CNTN6: variants seen among roughly 807,000 people sequenced by gnomAD.
CNTN6 encodes the protein contactin-6.
Under a neutral mutation model 122.8 loss-of-function variants are expected in CNTN6, and 137 were observed. The ratio of observed to expected loss-of-function variants is 1.12; its 90% confidence interval spans 0.97 to 1.29. The LOEUF is 1.29. CNTN6 is among the 50% of genes most tolerant of loss of function. The pLI, the probability that CNTN6 is intolerant of heterozygous loss-of-function variation, is 0.00. For missense variants in CNTN6, 1,634 were observed against 1,223.4 expected, an observed-to-expected ratio of 1.34 and a Z score of -5.01; for synonymous variants, 570 against 426.0, an observed-to-expected ratio of 1.34 and a Z score of -4.16.
chr3:1,192,641 G>A (rs2093718629), intron 2 of CNTN6, among the ~76,000 whole-genome samples: 1 of 151,978 alleles, frequency 6.6e-6, no homozygotes, highest in African/African-American at 2.4e-5. Flanking sequence ...TGTCACAGAT[G>A]CACACCTGCT....
rs976375250 is a variant in CNTN6 at position 1,329,991 on chromosome 3, AT to A, written c.1364+61del. The A allele has an allele frequency of 2.4e-5, 33 of 1,377,948 alleles. No individual in the cohort carries two copies. The South Asian group carries it at 5.2e-4, about 22-fold the overall frequency. The allele number at this position is 1,377,948 out of a possible 1,614,324, so 85.4% of individuals were successfully genotyped here. On this transcript the variant is annotated intron_variant, in intron 11 of 22. Coordinates refer to ENST00000446702, the MANE Select transcript of CNTN6 (RefSeq NM_001289080.2). ...TTGTTTGTAATATAACATCTTCCAA[AT>A]TTTTAGGTTTTAGTAGGCCTTTCAA...
chr3:1,268,074 A>G (rs1010541709), intron 4 of CNTN6, among the ~76,000 whole-genome samples: 1 of 152,230 alleles, frequency 6.6e-6, no homozygotes, highest in African/African-American at 2.4e-5. Context: ...GAGATTATTG[A>G]CTACAAAGGT....
rs1326642047 is a variant in CNTN6, at chr3:1,234,609, G to A, written c.358+6616G>A. 7.9e-5 allele frequency among the ~76,000 whole-genome samples: 12 copies of A among 152,252 alleles called. No homozygotes were observed. The East Asian group carries it at 1.7e-3, about 22-fold the overall frequency. On this transcript the variant is annotated intron_variant, in intron 4 of 22. Coordinates refer to ENST00000446702, the MANE Select transcript of CNTN6 (RefSeq NM_001289080.2). ...TGCTTTTGGAAATTGTAAAGTCTCC[G>A]ATAATTGCGAAGTGCGTATTAAGTG...
intron 12 of CNTN6, among the ~76,000 whole-genome samples, chr3:1,370,907 A>T (rs1395935108): frequency 6.6e-6 from 1 of 152,096 alleles, no homozygotes; most frequent in Non-Finnish European, 1.5e-5. Context: ...TATGGAAAGT[A>T]TTTTAAATAA....
intron 5 of CNTN6, among the ~76,000 whole-genome samples, chr3:1,293,114 G>A (rs1401132947): frequency 5.3e-5 from 8 of 152,108 alleles, no homozygotes; most frequent in African/African-American, 1.9e-4. Context: ...AACGATATCA[G>A]GGTTCTGTCT....
chr3:1,220,008 TAAAAA>T (rs2094184999), intron 2 of CNTN6, among the ~76,000 whole-genome samples: 1 of 91,852 alleles, frequency 1.1e-5, no homozygotes, highest in Admixed American at 9.1e-5. Context: ...TCTCAAAAAA[TAAAAA>T]GAAAATAAAA....
intron 2 of CNTN6, among the ~76,000 whole-genome samples, chr3:1,214,522 C>T (rs1320508022): frequency 6.6e-6 from 1 of 151,840 alleles, no homozygotes; most frequent in Non-Finnish European, 1.5e-5. Context: ...GTTGGCCAGG[C>T]TGGTCTCAAA....
At chr3:1,322,200 GA>G (rs1231299508) in intron 8 of CNTN6, among the ~76,000 whole-genome samples, 1 of 151,490 alleles carries the variant, frequency 6.6e-6, no homozygotes, top group African/African-American at 2.4e-5. Flanking sequence ...ATTAATAAAT[GA>G]AAAAAATTGA....
At chr3:1,204,075 A>G (rs1044217205) in intron 2 of CNTN6, among the ~76,000 whole-genome samples, 3 of 152,182 alleles carry the variant, frequency 2.0e-5, no homozygotes, top group African/African-American at 4.8e-5. Flanking sequence ...AAATTGCCTA[A>G]TGACACATTT....
intron 20 of CNTN6, among the ~76,000 whole-genome samples, chr3:1,387,989 G>T (rs1363289292): frequency 6.6e-6 from 1 of 152,130 alleles, no homozygotes; most frequent in Non-Finnish European, 1.5e-5. Context: ...TGGGGGAGGG[G>T]CGCCCGCCAT....
chr3:1,172,055 C>T (rs2093367236), intron 2 of CNTN6, among the ~76,000 whole-genome samples: 3 of 152,148 alleles, frequency 2.0e-5, no homozygotes, highest in Non-Finnish European at 2.9e-5. Flanking sequence ...TATCCCTCTC[C>T]CATCAGACCA....
intron 8 of CNTN6, among the ~76,000 whole-genome samples, chr3:1,322,842 C>T (rs944188923): frequency 1.2e-4 from 18 of 151,448 alleles, no homozygotes; most frequent in African/African-American, 4.4e-4. Flanking sequence ...ACTCATTATT[C>T]TCCTACAGTT....
chr3:1,251,122 A>G (rs1191508046), intron 4 of CNTN6, among the ~76,000 whole-genome samples: 2 of 152,112 alleles, frequency 1.3e-5, no homozygotes, highest in African/African-American at 4.8e-5. Flanking sequence ...CCTTTGGTGA[A>G]TTTGGTATTC....
At chr3:1,333,983 T>C (rs1315227026) in intron 11 of CNTN6, among the ~76,000 whole-genome samples, 1 of 152,140 alleles carries the variant, frequency 6.6e-6, no homozygotes, top group Non-Finnish European at 1.5e-5. Flanking sequence ...TTAAGTTACA[T>C]TTCTCAATAC....
At chr3:1,317,809 C>G (rs1023652840) in intron 7 of CNTN6, among the ~76,000 whole-genome samples, 15 of 150,980 alleles carry the variant, frequency 9.9e-5, no homozygotes, top group African/African-American at 3.2e-4. Flanking sequence ...GTGCTCTCAC[C>G]TAATGCCAGA....
rs1575979458 is a variant in CNTN6, at chr3:1,382,722, T to C, written c.2167-220T>C. ...ATATAAATATGTAAAGCTTGTTTTA[T>C]ATTTCTATCTGAAAACTTAAACTAT... On this transcript the variant is annotated intron_variant, in intron 17 of 22. Transcript: ENST00000446702. Among the ~76,000 whole-genome samples, 4 of 152,226 alleles carry C rather than the reference T, an allele frequency of 2.6e-5. No homozygotes were observed. In the East Asian group the frequency reaches 7.7e-4, roughly 29 times the overall value.
intron 4 of CNTN6, among the ~76,000 whole-genome samples, chr3:1,233,226 T>C (rs1684746950): frequency 1.3e-5 from 2 of 152,144 alleles, no homozygotes; most frequent in Admixed American, 6.5e-5. Context: ...AATGCCAGTA[T>C]TGCCCATTTC....
rs140256505 is a variant in CNTN6 at position 1,256,295 on chromosome 3, G to A, written c.359-22118G>A. Among the ~76,000 whole-genome samples, 725 of 152,288 alleles carry A rather than the reference G, an allele frequency of 4.8e-3. 3 individuals carry two copies. The highest frequency in any genetic ancestry group is 8.1e-3 in the Non-Finnish European group (551 of 68,028). ...AGTCATTAAGATGTTAGACGTGAAA[G>A]TGTGGGTGAGAGGTAGCAATGGAGA... On this transcript the variant is annotated intron_variant, in intron 4 of 22. Transcript: ENST00000446702.
chr3:1,207,038 C>T (rs894846395), intron 2 of CNTN6, among the ~76,000 whole-genome samples: 1 of 152,068 alleles, frequency 6.6e-6, no homozygotes, highest in Non-Finnish European at 1.5e-5. Context: ...TCTTCAAATG[C>T]ATATACCTTC....
Sources: allele counts gnomAD v4.1 joint callset (sites outside exome capture counted in the v4.1 genomes callset), GRCh38; gene constraint gnomAD v4.1.1; transcripts MANE v1.5; gene names NCBI Gene and HGNC (gene_info 2026-07-23, HGNC 2026-07-21).